The following ALDH4A1 variants were observed in gnomAD, a reference collection of about 807,000 sequenced individuals.
ALDH4A1 encodes delta-1-pyrroline-5-carboxylate dehydrogenase, mitochondrial.
Under a neutral mutation model 70.5 loss-of-function variants are expected in ALDH4A1, and 46 were observed. The observed-to-expected ratio is 0.65, with a 90% CI of 0.51 to 0.83. The LOEUF (loss-of-function observed/expected upper bound fraction) is 0.83. Ranked by LOEUF, ALDH4A1 falls within the 40% of genes least tolerant of loss-of-function variation. The probability of loss-of-function intolerance (pLI) is 0.00; values close to 1 mark genes in which losing one functional copy is unlikely to be tolerated. For missense variants in ALDH4A1, 749 were observed against 766.5 expected, an observed-to-expected ratio of 0.98 and a Z score of 0.27; for synonymous variants, 323 against 324.3, an observed-to-expected ratio of 1.00 and a Z score of 0.04.
chr1:18,902,388 G>T, intron 1 of ALDH4A1, 74 bp downstream of exon 1: 1 of 1,209,224 alleles, frequency 8.3e-7, no homozygotes, highest in Admixed American at 3.9e-5. Context: ...GCGGCGCGGG[G>T]GACGCCCAGT....
chr1:18,887,090 T>G (rs1276754541), intron 3 of ALDH4A1, among the ~76,000 whole-genome samples: 1 of 152,226 alleles, frequency 6.6e-6, no homozygotes, highest in Non-Finnish European at 1.5e-5. Context: ...GACAGAGCAA[T>G]TGTTTCCTAA....
Position 18,876,487 on chromosome 1 carries a change from G to A in ALDH4A1, c.1186-20C>T. ...AAAGGACTGGGGTGGGCAGGGAGGA[G>A]GGAGGTCTAAGAGGCTGGGAAGGCA... On this transcript the variant is annotated intron_variant, in intron 11 of 14. Coordinates refer to ENST00000375341, the MANE Select transcript of ALDH4A1 (RefSeq NM_003748.4). 3 of 1,568,486 alleles carry A rather than the reference G, an allele frequency of 1.9e-6. No individual in the cohort carries two copies. The highest frequency in any genetic ancestry group is 4.7e-5 in the East Asian group (2 of 42,948).
rs1180967093 is a variant in ALDH4A1 at position 18,880,992 on chromosome 1, A to C, written c.866+708T>G. ...GGTCACTGAACCACTCCCTGCCGCC[A>C]CCTCCAGCCTGAGAGCCGGGACCTT... On this transcript the variant is annotated intron_variant, in intron 8 of 14. Transcript: ENST00000375341. The surrounding 1 kb of genome is among the most constrained non-coding windows in gnomAD (Gnocchi z 5.1). 6.6e-6 allele frequency among the ~76,000 whole-genome samples: 1 copy of C among 151,838 alleles called. No homozygotes were observed. Among genetic ancestry groups the C allele is most frequent in the East Asian group, 1.9e-4 (1 of 5,172 alleles).
Position 18,890,066 on chromosome 1 carries a change from G to C in ALDH4A1, c.102C>G (p.Asn34Lys), listed in dbSNP as rs148778436. Reference protein sequence around the residue: ...WKHTSSLKVANEPVLAFTQGS... With the variant: ...WKHTSSLKVAKEPVLAFTQGS... ...CCTGCGTGAAGGCTAAGACGGGCTC[G>C]TTGGCCACCTTCAGGGAGGAGGTGT... is the stretch of plus-strand genomic sequence containing the variant. Residue 34 changes from asparagine (N) to lysine (K), a missense_variant, in exon 2 of 15, where the codon AAC (asparagine) becomes AAG (lysine). Coordinates refer to ENST00000375341, the MANE Select transcript of ALDH4A1 (RefSeq NM_003748.4). 6.2e-7 allele frequency: 1 copy of C among 1,613,080 alleles called. No individual in the cohort carries two copies. Among genetic ancestry groups the C allele is most frequent in the South Asian group, 1.1e-5 (1 of 90,824 alleles).
chr1:18,876,661 C>CTGTGTGGGTGTGTGTGTGTGTGTGTG (rs1934699668), intron 11 of ALDH4A1, among the ~76,000 whole-genome samples, 194 bp from the exon 12 acceptor site: 1 of 146,732 alleles, frequency 6.8e-6, no homozygotes, highest in Non-Finnish European at 1.5e-5. Flanking sequence ...GACATGAACA[C>CTGTGTGGGTGTGTGTGTGTGTGTGTG]TGTGTGTGTG....
In ALDH4A1 at chr1:18,872,717, G is replaced by C. The variant is rs1292269994; in HGVS notation, c.*128C>G. ...AGGCCAGAATACAGTGGTAAGAAGG[G>C]AGTCAAGCCCGGATTATAGAAAGGC... On this transcript the variant is annotated 3_prime_UTR_variant, in exon 15 of 15. Transcript: ENST00000375341. 2.8e-6 allele frequency: 2 copies of C among 723,058 alleles called. No homozygotes were observed. The highest frequency in any genetic ancestry group is 4.8e-6 in the Non-Finnish European group (2 of 416,942). 44.8% of individuals were successfully genotyped at this position (723,058 alleles called of 1,614,324 possible). A position where few individuals can be genotyped will look rare whatever the true frequency, so the allele number is the denominator to read the frequency against.
intron 7 of ALDH4A1, 94 bp downstream of exon 7, chr1:18,883,030 G>T (rs1935044355): frequency 3.3e-6 from 5 of 1,533,100 alleles, no homozygotes; most frequent in Non-Finnish European, 3.6e-6. Flanking sequence ...CCATGACTAG[G>T]CTGAGACCCA....
chr1:18,877,285 G>C, intron 10 of ALDH4A1, 30 bp from the exon 11 acceptor site: 1 of 1,594,468 alleles, frequency 6.3e-7, no homozygotes, highest in Non-Finnish European at 8.5e-7. Context: ...CAGAAGAGAC[G>C]AGTCACTGCA....
At chr1:18,877,297 G>A in intron 10 of ALDH4A1, 42 bp from the exon 11 acceptor site, 1 of 1,583,032 alleles carries the variant, frequency 6.3e-7, no homozygotes, top group South Asian at 1.1e-5. Flanking sequence ...GTCACTGCAG[G>A]CCGAGACCAA....
rs758441851 is a variant in ALDH4A1, at chr1:18,877,413, C to T, written c.1137+3G>A. 1 of 1,565,728 alleles carries T rather than the reference C, an allele frequency of 6.4e-7. No individual in the cohort carries two copies. The highest frequency in any genetic ancestry group is 1.2e-5 in the South Asian group (1 of 86,012). ...CCGCGGCGGGGGTGACGGTGCCACT[C>T]ACGTCGCCCACTTTGATCCGACTGT... On this transcript the variant is annotated splice_donor_region_variant and intron_variant, in intron 10 of 14. Transcript: ENST00000375341.
In ALDH4A1 at chr1:18,881,893, C is replaced by A. The variant is rs369992538; in HGVS notation, c.679-6G>T. 1.9e-6 allele frequency: 3 copies of A among 1,612,496 alleles called. No individual in the cohort carries two copies. The highest frequency in any genetic ancestry group is 1.1e-5 in the South Asian group (1 of 90,894). On this transcript the variant is annotated splice_polypyrimidine_tract_variant and splice_region_variant and intron_variant, in intron 7 of 14. Coordinates refer to ENST00000375341, the MANE Select transcript of ALDH4A1 (RefSeq NM_003748.4). Reference sequence around the variant, plus strand: ...TTCCATAGGACCACGTTGCCCTGCCCGGGAGGTGTTTCAGTGATGCATGAG... The same window carrying A: ...TTCCATAGGACCACGTTGCCCTGCCAGGGAGGTGTTTCAGTGATGCATGAG...
At chr1:18,883,508 A>C in intron 5 of ALDH4A1, 80 bp from the exon 6 acceptor site, 1 of 1,591,320 alleles carries the variant, frequency 6.3e-7, no homozygotes, top group Non-Finnish European at 8.6e-7. Context: ...GCTGTGCCCA[A>C]AGCGAGCACT....
chr1:18,875,096 A>G (rs1030556598), intron 13 of ALDH4A1, among the ~76,000 whole-genome samples: 1 of 152,168 alleles, frequency 6.6e-6, no homozygotes, highest in African/African-American at 2.4e-5. Flanking sequence ...GCAACACCAG[A>G]TCCCGCAGAG....
At chr1:18,894,019 T>C (rs897764093) in intron 1 of ALDH4A1, among the ~76,000 whole-genome samples, 2 of 152,234 alleles carry the variant, frequency 1.3e-5, no homozygotes, top group Admixed American at 6.5e-5. Context: ...GTTGACATGA[T>C]GCACCTTGCA....
Position 18,875,497 on chromosome 1 carries a change from A to C in ALDH4A1, c.1345T>G (p.Phe449Val). 6.2e-7 allele frequency: 1 copy of C among 1,614,036 alleles called. No individual in the cohort carries two copies. The highest frequency in any genetic ancestry group is 1.7e-5 in the Admixed American group (1 of 60,016). ...ACGTACACAGACAGTACAGGCCCGA[A>C]GATCTCCTAGGAGAGAGGCCCCGGC... is the stretch of plus-strand genomic sequence containing the variant. The part of the protein sequence containing the change: ...PQEPIMKEEI[F>V]GPVLSVYVYP... Residue 449 changes from phenylalanine (F) to valine (V), a missense_variant, in exon 13 of 15, where the codon TTC (phenylalanine) becomes GTC (valine). By Grantham distance (50) the Phe-to-Val change is conservative. Transcript: ENST00000375341.
chr1:18,900,115 T>C (rs1348911551), intron 1 of ALDH4A1, among the ~76,000 whole-genome samples: 1 of 152,210 alleles, frequency 6.6e-6, no homozygotes, highest in East Asian at 1.9e-4. Context: ...TTTTTTGCCT[T>C]ATCTGTACTT....
rs562344368 is a variant in ALDH4A1 at position 18,877,454 on chromosome 1, G to T, written c.1099C>A (p.Arg367=). 3.8e-6 allele frequency: 6 copies of T among 1,591,878 alleles called. No homozygotes were observed. The East Asian group carries it at 1.4e-4, about 36-fold the overall frequency. Residue 367 remains arginine (R), a synonymous_variant, in exon 10 of 15, where the codon CGG becomes AGG. Transcript: ENST00000375341. The part of the protein sequence containing the change: ...PHSLWPQIKG[R]LLEEHSRIKV... ...ATCCGACTGTGCTCCTCCAGCAGCC[G>T]CCCTTTGATCTGCGGCCACAGCGAG... is the stretch of plus-strand genomic sequence containing the variant.
At chr1:18,875,605 G>A (rs371900578) in intron 12 of ALDH4A1, 102 bp from the exon 13 acceptor site, 2 of 1,582,900 alleles carry the variant, frequency 1.3e-6, no homozygotes, top group African/African-American at 1.4e-5. Flanking sequence ...CCCAGTCCCT[G>A]GGCCTCAGTT....
chr1:18,895,813 G>T (rs941500041), intron 1 of ALDH4A1, among the ~76,000 whole-genome samples: 1 of 152,186 alleles, frequency 6.6e-6, no homozygotes. Context: ...CTGGACTCAC[G>T]CCATGCCAGC....
Sources: gnomAD v4.1 joint callset for allele counts (sites outside exome capture counted in the v4.1 genomes callset) on GRCh38, gnomAD v4.1.1 for gene constraint, Gnocchi (gnomAD v3.1) non-coding constraint, MANE v1.5 for transcripts, NCBI Gene and HGNC (gene_info 2026-07-23, HGNC 2026-07-21) for gene names.